The following CNTROB variants were observed in gnomAD, a reference collection of about 807,000 sequenced individuals.
The protein encoded by CNTROB is centrobin.
In CNTROB, 82 loss-of-function variants were observed where a neutral mutation model predicts 115.7. That is an observed-to-expected ratio of 0.71 (90% CI 0.59 to 0.85). The LOEUF (loss-of-function observed/expected upper bound fraction) is 0.85, where lower values mean the gene tolerates loss of function less well. CNTROB is among the 40% of genes least tolerant of loss of function. CNTROB has a pLI of 0.00. For synonymous variants in CNTROB, 439 were observed against 456.4 expected (o/e 0.96, Z 0.49); for missense variants, 1,014 against 1,144.4 (o/e 0.89, Z 1.64).
Position 7,948,973 on chromosome 17 carries a change from C to G in CNTROB, c.2514-112C>G. 3 of 1,590,074 alleles carry G rather than the reference C, an allele frequency of 1.9e-6. No homozygotes were observed. In the South Asian group the frequency reaches 3.4e-5, roughly 18 times the overall value. On this transcript the variant is annotated intron_variant, in intron 17 of 18. Coordinates refer to ENST00000563694, the MANE Select transcript of CNTROB (RefSeq NM_053051.5). This position sits in a 1 kb window ranked among gnomAD's most constrained non-coding sequence, Gnocchi z 4.4. ...CCTCCCAGTTGATGCCCAGGTCTAT[C>G]GAGTTTGATCTTATTCTTAAGAGAT...
rs1404701617 is a variant in CNTROB, at chr17:7,949,300, C to T, written c.2587-85C>T. The T allele has an allele frequency of 6.3e-6, 10 of 1,596,216 alleles. No individual in the cohort carries two copies. The East Asian group carries it at 2.0e-4, about 32-fold the overall frequency. On this transcript the variant is annotated intron_variant, in intron 18 of 18. Coordinates refer to ENST00000563694, the MANE Select transcript of CNTROB (RefSeq NM_053051.5). Reference sequence around the variant, plus strand: ...TTTCCTCCCTGCAGACTCATCTGGCCCTCTCCACGTGCATTTCCTCAGTGG... The same window carrying T: ...TTTCCTCCCTGCAGACTCATCTGGCTCTCTCCACGTGCATTTCCTCAGTGG...
chr17:7,937,747 G>C (rs547671780), intron 7 of CNTROB, among the ~76,000 whole-genome samples: 81 of 152,198 alleles, frequency 5.3e-4, no homozygotes, highest in African/African-American at 1.8e-3. Flanking sequence ...AGGTTGCAGT[G>C]AGCTGAGATC....
At chr17:7,937,516 A>G (rs967676499) in intron 7 of CNTROB, among the ~76,000 whole-genome samples, 22 of 152,244 alleles carry the variant, frequency 1.4e-4, no homozygotes, top group African/African-American at 5.3e-4. Flanking sequence ...ATTATTTTAA[A>G]ATATAGGCTA....
Position 7,948,024 on chromosome 17 carries a change from G to A in CNTROB, c.2209+45G>A. Reference sequence around the variant, plus strand: ...AAGGTTGGGGCTGGGGCCTAGGAAAGATCGGAGTTGGTTATCTAGGATGAA... The same window carrying A: ...AAGGTTGGGGCTGGGGCCTAGGAAAAATCGGAGTTGGTTATCTAGGATGAA... On this transcript the variant is annotated intron_variant, in intron 15 of 18. Transcript: ENST00000563694. This position sits in a 1 kb window ranked among gnomAD's most constrained non-coding sequence, Gnocchi z 4.4. 6.3e-7 allele frequency: 1 copy of A among 1,599,636 alleles called. No individual in the cohort carries two copies. The highest frequency in any genetic ancestry group is 1.1e-5 in the South Asian group (1 of 90,746).
At chr17:7,935,195 G>A in intron 4 of CNTROB, 50 bp downstream of exon 4, 1 of 1,610,682 alleles carries the variant, frequency 6.2e-7, no homozygotes, top group Non-Finnish European at 8.5e-7. Flanking sequence ...AGAAAGAGGG[G>A]ACCCAAGTGT....
chr17:7,933,376 C>G (rs1468961815), intron 1 of CNTROB, 27 bp downstream of exon 1: 2 of 1,591,424 alleles, frequency 1.3e-6, no homozygotes, highest in Middle Eastern at 1.8e-4. Context: ...TTGGAGACCA[C>G]TGTGGCACTA....
At chr17:7,936,629 T>C (rs375019659) in intron 5 of CNTROB, 72 bp from the exon 6 acceptor site, 2 of 813,948 alleles carry the variant, frequency 2.5e-6, no homozygotes, top group Non-Finnish European at 4.5e-6. Flanking sequence ...AGATGGCTGT[T>C]GACCCTGCCC....
At chr17:7,941,592 C>T (rs1346793472) in intron 9 of CNTROB, among the ~76,000 whole-genome samples, 1 of 124,318 alleles carries the variant, frequency 8.0e-6, no homozygotes, top group Non-Finnish European at 1.6e-5. Context: ...GAGTGAGACT[C>T]CATCTCAAAA....
Position 7,944,352 on chromosome 17 carries a change from C to T in CNTROB, c.1571+104C>T. 4 of 1,552,064 alleles carry T rather than the reference C, an allele frequency of 2.6e-6. No individual in the cohort carries two copies. Among genetic ancestry groups the T allele is most frequent in the Non-Finnish European group, 3.6e-6 (4 of 1,125,394 alleles). ...CTGCTCCCTTGATTGATCTGTCCTC[C>T]TCTACATGGGCCCCAGCTCCTTTCA... On this transcript the variant is annotated intron_variant, in intron 11 of 18. Coordinates refer to ENST00000563694, the MANE Select transcript of CNTROB (RefSeq NM_053051.5). The surrounding 1 kb of genome is among the most constrained non-coding windows in gnomAD (Gnocchi z 4.0).
chr17:7,945,630 A>C, intron 12 of CNTROB, 98 bp from the exon 13 acceptor site: 184 of 1,183,234 alleles, frequency 1.6e-4, no homozygotes, highest in Non-Finnish European at 1.9e-4. Context: ...GAGCCACTGC[A>C]TCCGGAAATT....
Position 7,949,570 on chromosome 17 carries a change from T to A in CNTROB, c.*60T>A. The A allele has an allele frequency of 6.6e-7, 1 of 1,507,990 alleles. No homozygotes were observed. Among genetic ancestry groups the A allele is most frequent in the South Asian group, 1.3e-5 (1 of 76,888 alleles). 93.4% of individuals were successfully genotyped at this position (1,507,990 alleles called of 1,614,324 possible). On this transcript the variant is annotated 3_prime_UTR_variant, in exon 19 of 19. Coordinates refer to ENST00000563694, the MANE Select transcript of CNTROB (RefSeq NM_053051.5). ...TGTTGTTATTTTAATAAATGCTCATTAGTCTGTATCAGAGTCTCTGGCTCA... is the reference window on the plus strand; with the variant it reads ...TGTTGTTATTTTAATAAATGCTCATAAGTCTGTATCAGAGTCTCTGGCTCA...
Position 7,947,659 on chromosome 17 carries a change from G to A in CNTROB, c.2082G>A (p.Glu694=). The A allele has an allele frequency of 2.5e-6, 4 of 1,613,958 alleles. No individual in the cohort carries two copies. The highest frequency in any genetic ancestry group is 2.2e-5 in the East Asian group (1 of 44,870). The change falls in exon 14 of 19, where the codon GAG becomes GAA. Residue 694 remains glutamate, a synonymous_variant. Transcript: ENST00000563694. The part of the protein sequence containing the change: ...FPEEDPGPDG[E]GLLKQGLPPA... The stretch of plus-strand genomic sequence containing the variant: ...AGGAAGATCCTGGACCTGACGGGGA[G>A]GGCCTCCTAAAGCAAGGGCTGCCGC...
chr17:7,937,396 G>C, intron 7 of CNTROB, 134 bp downstream of exon 7: 1 of 1,021,084 alleles, frequency 9.8e-7, no homozygotes. Context: ...GTGTTCCTTA[G>C]AACACTAATT....
In CNTROB at chr17:7,940,090, T is replaced by C; in HGVS notation, c.1165-6T>C. The C allele has an allele frequency of 6.3e-7, 1 of 1,589,598 alleles. No individual in the cohort carries two copies. The highest frequency in any genetic ancestry group is 8.6e-7 in the Non-Finnish European group (1 of 1,169,400). On this transcript the variant is annotated splice_region_variant and splice_polypyrimidine_tract_variant and intron_variant, in intron 8 of 18. Transcript: ENST00000563694. Reference sequence around the variant, plus strand: ...TATGTATATACATTTGATTTGTCTTTCATAGGAGAAGAGCCAGAGGGAAGC... The same window carrying C: ...TATGTATATACATTTGATTTGTCTTCCATAGGAGAAGAGCCAGAGGGAAGC...
In CNTROB at chr17:7,948,867, T is replaced by C; in HGVS notation, c.2514-218T>C. ...GGTCTCTCTACCTTCGTTTTTTTCC[T>C]CTTTACCCCTCAGCTCAAAACTCAG... On this transcript the variant is annotated intron_variant, in intron 17 of 18. Transcript: ENST00000563694. The surrounding 1 kb of genome is among the most constrained non-coding windows in gnomAD (Gnocchi z 4.4). 6.9e-7 allele frequency: 1 copy of C among 1,454,700 alleles called. No individual in the cohort carries two copies. Among genetic ancestry groups the C allele is most frequent in the Non-Finnish European group, 9.1e-7 (1 of 1,103,920 alleles). The allele number at this position is 1,454,700 out of a possible 1,614,324, so 90.1% of individuals were successfully genotyped here. A position where few individuals can be genotyped will look rare whatever the true frequency, so the allele number is the denominator to read the frequency against.
At chr17:7,940,894 T>C (rs1413967720) in intron 9 of CNTROB, among the ~76,000 whole-genome samples, 1 of 152,234 alleles carries the variant, frequency 6.6e-6, no homozygotes, top group African/African-American at 2.4e-5. Context: ...TTGTGGGTTG[T>C]ATGGTCTCAG....
intron 9 of CNTROB, among the ~76,000 whole-genome samples, chr17:7,942,760 C>T (rs929150032): frequency 7.1e-6 from 1 of 139,950 alleles, no homozygotes; most frequent in African/African-American, 2.7e-5. Context: ...TGAATGTCTA[C>T]TGGCTTTCAG....
In CNTROB at chr17:7,949,588, C is replaced by T. The variant is rs1031340963; in HGVS notation, c.*78C>T. 19 of 1,414,672 alleles carry T rather than the reference C, an allele frequency of 1.3e-5. No individual in the cohort carries two copies. Among genetic ancestry groups the T allele is most frequent in the Non-Finnish European group, 1.6e-5 (17 of 1,068,714 alleles). 87.6% of individuals were successfully genotyped at this position (1,414,672 alleles called of 1,614,324 possible). The stretch of plus-strand genomic sequence containing the variant: ...TGCTCATTAGTCTGTATCAGAGTCT[C>T]TGGCTCATAGGAATTTGGAAAATAG... On this transcript the variant is annotated 3_prime_UTR_variant, in exon 19 of 19. Coordinates refer to ENST00000563694, the MANE Select transcript of CNTROB (RefSeq NM_053051.5).
intron 4 of CNTROB, chr17:7,935,529 G>A (rs971745783): frequency 3.0e-5 from 6 of 203,224 alleles, no homozygotes; most frequent in African/African-American, 4.8e-5. Flanking sequence ...AAAGAAAAGG[G>A]CTGAGGGTTA....
Sources: allele counts gnomAD v4.1 joint callset (sites outside exome capture counted in the v4.1 genomes callset), GRCh38; gene constraint gnomAD v4.1.1; non-coding constraint Gnocchi (gnomAD v3.1); transcripts MANE v1.5; gene names NCBI Gene and HGNC (gene_info 2026-07-23, HGNC 2026-07-21).